The following SERGEF variants were observed in gnomAD, a reference collection of about 807,000 sequenced individuals.
SERGEF encodes the protein secretion regulating guanine nucleotide exchange factor.
Under a neutral mutation model 50.0 loss-of-function variants are expected in SERGEF, and 51 were observed. The observed-to-expected ratio is 1.02, with a 90% CI of 0.81 to 1.29. The LOEUF is 1.29. Among genes scored for constraint, SERGEF ranks in the 50% most tolerant of loss-of-function variants. The pLI, the probability that SERGEF is intolerant of heterozygous loss-of-function variation, is 0.00. For missense variants in SERGEF, 521 were observed against 557.0 expected (o/e 0.94, Z 0.65); for synonymous variants, 205 against 212.4 (o/e 0.97, Z 0.30).
chr11:17,898,888 G>C (rs1200518765), intron 9 of SERGEF, among the ~76,000 whole-genome samples: 2 of 152,124 alleles, frequency 1.3e-5, no homozygotes, highest in African/African-American at 4.8e-5. Flanking sequence ...GGTAGGAGGT[G>C]ACTGGATCAT....
intron 9 of SERGEF, among the ~76,000 whole-genome samples, chr11:17,912,481 G>A (rs533337440): frequency 1.9e-3 from 286 of 152,240 alleles, no homozygotes; most frequent in Middle Eastern, 3.4e-3. Flanking sequence ...TGGGTGAAGC[G>A]TATATAGGAT....
In SERGEF at chr11:17,937,030, C is replaced by A. The variant is rs190910563; in HGVS notation, c.1011+22440G>T. ...TTGGTAGCAAAAACCTGGGAACAAC[C>A]TAAATTTCCAAAAATAATCACATAA... On this transcript the variant is annotated intron_variant, in intron 9 of 10. Coordinates refer to ENST00000265965, the MANE Select transcript of SERGEF (RefSeq NM_012139.4). 5.3e-5 allele frequency among the ~76,000 whole-genome samples: 8 copies of A among 152,000 alleles called. No individual in the cohort carries two copies. The East Asian group carries it at 1.4e-3, about 26-fold the overall frequency.
intron 9 of SERGEF, among the ~76,000 whole-genome samples, chr11:17,910,193 A>ACACT (rs869123110): frequency 4.1e-5 from 6 of 145,748 alleles, no homozygotes; most frequent in Non-Finnish European, 6.0e-5. Flanking sequence ...ACACACACAC[A>ACACT]CTCTCTCTCT....
At chr11:17,879,119 T>G (rs533167166) in intron 9 of SERGEF, among the ~76,000 whole-genome samples, 1 of 152,304 alleles carries the variant, frequency 6.6e-6, no homozygotes, top group Admixed American at 6.5e-5. Flanking sequence ...AATGAGGGAA[T>G]GAATGAAAGA....
At chr11:17,919,579 CA>C (rs1852115513) in intron 9 of SERGEF, among the ~76,000 whole-genome samples, 1 of 152,122 alleles carries the variant, frequency 6.6e-6, no homozygotes, top group Non-Finnish European at 1.5e-5. Flanking sequence ...AATGGAAGAG[CA>C]AGATGCATTA....
chr11:18,003,183 C>G (rs142275471), intron 4 of SERGEF, among the ~76,000 whole-genome samples: 149 of 152,306 alleles, frequency 9.8e-4, no homozygotes, highest in Middle Eastern at 3.4e-3. Flanking sequence ...AAAAACATCT[C>G]CCACTATTAA....
At chr11:18,011,563 TG>T (rs900227927) in intron 1 of SERGEF, among the ~76,000 whole-genome samples, 2 of 152,222 alleles carry the variant, frequency 1.3e-5, no homozygotes, top group African/African-American at 4.8e-5. Flanking sequence ...TGTGGTATTT[TG>T]TTATGGTAGC....
chr11:17,802,365 G>A (rs1849687106), intron 10 of SERGEF, among the ~76,000 whole-genome samples: 1 of 151,868 alleles, frequency 6.6e-6, no homozygotes, highest in South Asian at 2.1e-4. Flanking sequence ...GACTATACAT[G>A]TCTCCACCTG....
In SERGEF at chr11:17,899,086, C is replaced by T. The variant is rs544517281; in HGVS notation, c.1012-20842G>A. On this transcript the variant is annotated intron_variant, in intron 9 of 10. Coordinates refer to ENST00000265965, the MANE Select transcript of SERGEF (RefSeq NM_012139.4). ...CCCTTCCACTATGATTGTAAGTTTC[C>T]TCAGGCCTTCCCAGAAGCAGAAACC... Among the ~76,000 whole-genome samples the T allele has an allele frequency of 7.9e-5, 12 of 152,316 alleles. No homozygotes were observed. The South Asian group carries it at 2.5e-3, about 32-fold the overall frequency.
intron 9 of SERGEF, among the ~76,000 whole-genome samples, chr11:17,923,283 G>A (rs191731323): frequency 2.0e-5 from 3 of 152,306 alleles, no homozygotes; most frequent in East Asian, 1.9e-4. Context: ...ACCTCAGTGC[G>A]CTCAGCTCTG....
At chr11:17,811,480 A>T (rs1849872602) in intron 10 of SERGEF, among the ~76,000 whole-genome samples, 1 of 152,254 alleles carries the variant, frequency 6.6e-6, no homozygotes, top group Non-Finnish European at 1.5e-5. Flanking sequence ...TTGTCAGATC[A>T]TATCAAGCAC....
At chr11:18,009,581 G>A (rs554759743) in intron 1 of SERGEF, among the ~76,000 whole-genome samples, 2 of 152,270 alleles carry the variant, frequency 1.3e-5, no homozygotes, top group East Asian at 1.9e-4. Flanking sequence ...AGCAAGGCAC[G>A]TCATTATTTC....
At chr11:17,833,114 C>G (rs1322577968) in intron 10 of SERGEF, among the ~76,000 whole-genome samples, 1 of 152,090 alleles carries the variant, frequency 6.6e-6, no homozygotes, top group African/African-American at 2.4e-5. Context: ...TCAGAGCAGC[C>G]CCTTCCATCA....
At chr11:17,935,590 GAAGA>G (rs1267322048) in intron 9 of SERGEF, among the ~76,000 whole-genome samples, 1 of 152,170 alleles carries the variant, frequency 6.6e-6, no homozygotes, top group South Asian at 2.1e-4. Flanking sequence ...GGCACAATGA[GAAGA>G]AAGACTTATC....
chr11:17,981,462 A>C (rs1289874804), intron 8 of SERGEF, among the ~76,000 whole-genome samples: 1 of 152,234 alleles, frequency 6.6e-6, no homozygotes, highest in Non-Finnish European at 1.5e-5. Context: ...GCTTGGGGAC[A>C]AAAGATGGGA....
chr11:17,850,731 ATT>A (rs1850696035), intron 10 of SERGEF, among the ~76,000 whole-genome samples: 2 of 152,138 alleles, frequency 1.3e-5, no homozygotes, highest in Admixed American at 6.5e-5. Context: ...TCCCTGGGAT[ATT>A]TTCCCACTCT....
intron 10 of SERGEF, among the ~76,000 whole-genome samples, chr11:17,812,257 T>A (rs1252235071): frequency 6.6e-6 from 1 of 152,218 alleles, no homozygotes; most frequent in African/African-American, 2.4e-5. Context: ...CAACAGCTCC[T>A]GCCTCTCAGC....
At chr11:17,960,611 T>C (rs1852978055) in intron 8 of SERGEF, among the ~76,000 whole-genome samples, 1 of 152,248 alleles carries the variant, frequency 6.6e-6, no homozygotes, top group South Asian at 2.1e-4. Context: ...ACAAATCTAC[T>C]ACTGCATACT....
At chr11:17,840,768 G>C (rs1216076553) in intron 10 of SERGEF, among the ~76,000 whole-genome samples, 2 of 152,164 alleles carry the variant, frequency 1.3e-5, no homozygotes, top group Admixed American at 6.5e-5. Flanking sequence ...CAGCATCCTA[G>C]AGATTTAGTA....
Sources: gnomAD v4.1 joint callset for allele counts (sites outside exome capture counted in the v4.1 genomes callset) on GRCh38, gnomAD v4.1.1 for gene constraint, MANE v1.5 for transcripts, NCBI Gene and HGNC (gene_info 2026-07-23, HGNC 2026-07-21) for gene names.